DENND2A: variants seen among roughly 807,000 people sequenced by gnomAD.
DENND2A encodes the protein DENN domain-containing protein 2A.
Under a neutral mutation model 105.3 loss-of-function variants are expected in DENND2A, and 53 were observed. The ratio of observed to expected loss-of-function variants is 0.50; its 90% CI spans 0.40 to 0.63. The LOEUF (loss-of-function observed/expected upper bound fraction) is 0.63. Among genes scored for constraint, DENND2A ranks in the 30% least tolerant of loss-of-function variants. The pLI is 0.00. For synonymous variants in DENND2A, 522 were observed against 508.4 expected (o/e 1.03, Z -0.36); for missense variants, 1,138 against 1,279.6 (o/e 0.89, Z 1.69).
intron 12 of DENND2A, among the ~76,000 whole-genome samples, chr7:140,553,104 C>G (rs1173065667): frequency 6.6e-6 from 1 of 152,034 alleles, no homozygotes; most frequent in African/African-American, 2.4e-5. Context: ...ACCCAGGGAA[C>G]CAGCGTTCAG....
intron 9 of DENND2A, among the ~76,000 whole-genome samples, chr7:140,560,782 A>C (rs1191510560): frequency 6.6e-6 from 1 of 152,072 alleles, no homozygotes; most frequent in Non-Finnish European, 1.5e-5. Flanking sequence ...AAATACAAAA[A>C]AATTAGCTGG....
At chr7:140,564,312 C>CACACAA (rs1797751792) in intron 9 of DENND2A, among the ~76,000 whole-genome samples, 1 of 150,740 alleles carries the variant, frequency 6.6e-6, no homozygotes, top group Non-Finnish European at 1.5e-5. Flanking sequence ...CACACACACA[C>CACACAA]AGAAACACTG....
At chr7:140,613,662 C>A (rs1442844497) in intron 1 of DENND2A, among the ~76,000 whole-genome samples, 8 of 133,298 alleles carry the variant, frequency 6.0e-5, no homozygotes, top group African/African-American at 2.8e-4. Flanking sequence ...AGCAGCCACC[C>A]TTAAAATTAA....
chr7:140,588,899 T>C (rs1488910590), intron 3 of DENND2A, among the ~76,000 whole-genome samples: 1 of 151,786 alleles, frequency 6.6e-6, no homozygotes, highest in African/African-American at 2.4e-5. Context: ...TGTATCACCA[T>C]GTCTGGCTAA....
intron 1 of DENND2A, among the ~76,000 whole-genome samples, chr7:140,616,665 G>A (rs1800096300): frequency 6.6e-6 from 1 of 152,026 alleles, no homozygotes; most frequent in Non-Finnish European, 1.5e-5. Flanking sequence ...GAGGAGTCCT[G>A]GACCCACCCT....
intron 1 of DENND2A, among the ~76,000 whole-genome samples, chr7:140,634,390 C>A (rs751231064): frequency 1.1e-4 from 16 of 152,224 alleles, no homozygotes; most frequent in Non-Finnish European, 1.9e-4. Flanking sequence ...CCTTTTAAAA[C>A]AATAATAAGA....
At chr7:140,538,924 A>G (rs1441584426) in intron 14 of DENND2A, among the ~76,000 whole-genome samples, 2 of 151,892 alleles carry the variant, frequency 1.3e-5, no homozygotes, top group Non-Finnish European at 2.9e-5. Context: ...CCTAGGTTCA[A>G]GTGATTCTCC....
At chr7:140,535,555 T>C (rs1203620709) in intron 14 of DENND2A, among the ~76,000 whole-genome samples, 1 of 151,998 alleles carries the variant, frequency 6.6e-6, no homozygotes, top group African/African-American at 2.4e-5. Flanking sequence ...TCGTTGCTGA[T>C]GTCCTTCCAG....
At chr7:140,568,087 C>A (rs986546115) in intron 8 of DENND2A, among the ~76,000 whole-genome samples, 4 of 152,100 alleles carry the variant, frequency 2.6e-5, no homozygotes, top group African/African-American at 9.7e-5. Context: ...ATTACAGGCG[C>A]CTGCCACCAC....
intron 5 of DENND2A, among the ~76,000 whole-genome samples, chr7:140,579,416 G>A (rs1374076440): frequency 6.8e-6 from 1 of 147,434 alleles, no homozygotes; most frequent in African/African-American, 2.5e-5. Flanking sequence ...TTTTTGAGAC[G>A]AAGTCTCTCT....
intron 3 of DENND2A, among the ~76,000 whole-genome samples, chr7:140,599,199 G>A (rs186469308): frequency 2.2e-4 from 33 of 152,154 alleles, no homozygotes; most frequent in African/African-American, 6.5e-4. Context: ...TTAGCCAGGC[G>A]TGGTGGCGTG....
rs142818312 is a variant in DENND2A, at chr7:140,601,829, C to T, written c.569G>A (p.Cys190Tyr). 236 of 1,614,158 alleles carry T rather than the reference C, an allele frequency of 1.5e-4. No individual in the cohort carries two copies. Among genetic ancestry groups the T allele is most frequent in the Non-Finnish European group, 1.9e-4 (228 of 1,180,012 alleles). The change falls in exon 3 of 20, where the codon TGC becomes TAC. Residue 190 changes from cysteine to tyrosine, a missense_variant. This residue lies in a region of DENND2A where 511 missense variants were observed against 499.9 expected (regional missense o/e 1.02). Coordinates refer to ENST00000496613, the MANE Select transcript of DENND2A (RefSeq NM_015689.5). The part of the protein sequence containing the change: ...QLPGTCYSPH[C>Y]PPDKAEAGST... ...CCCTGCCTCTGCCTTGTCAGGAGGG[C>T]AGTGTGGGGAGTAACAAGTCCCTGG...
At chr7:140,570,553 G>A (rs1798051888) in intron 6 of DENND2A, among the ~76,000 whole-genome samples, 1 of 152,204 alleles carries the variant, frequency 6.6e-6, no homozygotes, top group Non-Finnish European at 1.5e-5. Context: ...GGGACTACGG[G>A]GAGTGGTGCC....
chr7:140,590,895 A>AATAATAATAATAATAATAAT (rs775140274), intron 3 of DENND2A, among the ~76,000 whole-genome samples: 1,878 of 151,938 alleles, frequency 0.012, 36 homozygotes, highest in African/African-American at 0.038. Context: ...ATAATAATAA[A>AATAATAATAATAATAATAAT]AAAAAGGTCA....
intron 4 of DENND2A, among the ~76,000 whole-genome samples, chr7:140,586,366 AACACACACACAC>A (rs10524571): frequency 2.3e-4 from 32 of 139,630 alleles, no homozygotes; most frequent in South Asian, 1.0e-3. Context: ...TAAAAAAGAA[AACACACACACAC>A]ACACACACAC....
chr7:140,552,690 G>A (rs1797187115), intron 12 of DENND2A, among the ~76,000 whole-genome samples: 1 of 151,964 alleles, frequency 6.6e-6, no homozygotes, highest in African/African-American at 2.4e-5. Context: ...GAGCCACTGC[G>A]CCTGGCCTTC....
At position 140,546,813 on chromosome 7, in the gene DENND2A, C is replaced by A. The variant is rs759385072; in HGVS notation, c.2164G>T (p.Gly722Cys). The A allele has an allele frequency of 6.2e-6, 10 of 1,614,010 alleles. No individual in the cohort carries two copies. The highest frequency in any genetic ancestry group is 8.5e-6 in the Non-Finnish European group (10 of 1,180,008). Residue 722 changes from glycine to cysteine, a missense_variant, in exon 13 of 20, where the codon GGT becomes TGT. Gly to Cys is a radical substitution (Grantham distance 159). Transcript: ENST00000496613. ...TGACAACTCACCTCAGTTCCTGAAC[C>A]TGGCAGGAAGTTCTTGACAAGGATG... is the stretch of plus-strand genomic sequence containing the variant. ...KTILVKNFLP[G>C]SGTEVIELCR...
rs1212352745 is a variant in DENND2A, at chr7:140,518,757, A to T, written c.2999-19T>A. On this transcript the variant is annotated intron_variant, in intron 19 of 19. Coordinates refer to ENST00000496613, the MANE Select transcript of DENND2A (RefSeq NM_015689.5). ...TTATTGCCTAAAAAAAAGGAAAATGAGAACATTTCACAAGGCAGACAAAGG... is the reference window on the plus strand; with the variant it reads ...TTATTGCCTAAAAAAAAGGAAAATGTGAACATTTCACAAGGCAGACAAAGG... 1.2e-6 allele frequency: 2 copies of T among 1,611,754 alleles called. No homozygotes were observed. Among genetic ancestry groups the T allele is most frequent in the Non-Finnish European group, 1.7e-6 (2 of 1,177,814 alleles).
At chr7:140,546,698 G>A in intron 13 of DENND2A, 101 bp downstream of exon 13, 1 of 1,448,938 alleles carries the variant, frequency 6.9e-7, no homozygotes, top group South Asian at 1.3e-5. Flanking sequence ...AAGACACCAA[G>A]GAATTGGACT....
Sources: gnomAD v4.1 joint callset for allele counts (sites outside exome capture counted in the v4.1 genomes callset) on GRCh38, gnomAD v4.1.1 for gene constraint, gnomAD v4.1.1 regional missense constraint, MANE v1.5 for transcripts, NCBI Gene and HGNC (gene_info 2026-07-23, HGNC 2026-07-21) for gene names.